The following CUX2 variants were observed in gnomAD, a reference collection of about 807,000 sequenced individuals.
CUX2 encodes the protein cut like homeobox 2, also known as homeobox protein cut-like 2.
Under a neutral mutation model 144.8 loss-of-function variants are expected in CUX2, and 40 were observed. The observed-to-expected ratio is 0.28, with a 90% CI of 0.21 to 0.36. CUX2 has a LOEUF of 0.36. Among genes scored for constraint, CUX2 ranks in the 10% least tolerant of loss-of-function variants. The pLI, the probability that CUX2 is intolerant of heterozygous loss-of-function variation, is 1.00. For missense variants in CUX2, 1,615 were observed against 1,994.0 expected (o/e 0.81, Z 3.62); for synonymous variants, 827 against 875.6 (o/e 0.94, Z 0.98).
At chr12:111,296,628 CCTCT>C in intron 8 of CUX2, 89 bp downstream of exon 8, 1 of 1,231,942 alleles carries the variant, frequency 8.1e-7, no homozygotes, top group South Asian at 1.3e-5. Flanking sequence ...TTGCCTCCTC[CCTCT>C]GACCCTCCCA....
At chr12:111,151,277 C>G (rs1006469486) in intron 1 of CUX2, among the ~76,000 whole-genome samples, 2 of 152,102 alleles carry the variant, frequency 1.3e-5, no homozygotes, top group African/African-American at 4.8e-5. Flanking sequence ...CGTTACCATG[C>G]GCTGTTATGA....
chr12:111,330,694 T>C (rs770707191), intron 18 of CUX2, among the ~76,000 whole-genome samples: 57 of 4,754 alleles, frequency 0.012, 8 homozygotes, highest in East Asian at 0.076. Flanking sequence ...TACATATATA[T>C]ATATATATAT....
At chr12:111,099,663 G>C (rs1433161872) in intron 1 of CUX2, 2 of 456,708 alleles carry the variant, frequency 4.4e-6, no homozygotes, top group Non-Finnish European at 4.4e-6. Flanking sequence ...GGGGAAGGTG[G>C]GGGATGTCTC....
chr12:111,237,977 A>G (rs990957686), intron 3 of CUX2, among the ~76,000 whole-genome samples: 1 of 152,296 alleles, frequency 6.6e-6, no homozygotes, highest in Non-Finnish European at 1.5e-5. Context: ...ACTAGATGCC[A>G]GGAGCACCTT....
rs1490518484 is a variant in CUX2, at chr12:111,336,460, T to TGTGTGTGTGTG, written c.3196+1750_3196+1751insGTGTGTGTGTG. 3.8e-3 allele frequency among the ~76,000 whole-genome samples: 503 copies of TGTGTGTGTGTG among 130,814 alleles called. 3 individuals carry two copies. Among genetic ancestry groups the TGTGTGTGTGTG allele is most frequent in the African/African-American group, 0.015 (474 of 32,224 alleles). 85.8% of individuals were successfully genotyped at this position (130,814 alleles called of 152,430 possible). ...TGTGTGTGTGTGTGTGTGTGTGTGT[T>TGTGTGTGTGTG]TAAGATGGAGTCTCCTGTCACCCAG... is the stretch of plus-strand genomic sequence containing the variant. On this transcript the variant is annotated intron_variant, in intron 19 of 21. Transcript: ENST00000261726.
At chr12:111,050,122 T>C (rs1405681186) in intron 1 of CUX2, among the ~76,000 whole-genome samples, 1 of 152,108 alleles carries the variant, frequency 6.6e-6, no homozygotes, top group Non-Finnish European at 1.5e-5. Context: ...ACACTGTATC[T>C]CCATTTCTGT....
In CUX2 at chr12:111,295,323, C is replaced by G. The variant is rs756059933; in HGVS notation, c.561-10C>G. On this transcript the variant is annotated splice_polypyrimidine_tract_variant and intron_variant, in intron 6 of 21. Coordinates refer to ENST00000261726, the MANE Select transcript of CUX2 (RefSeq NM_015267.4). The surrounding 1 kb of genome is among the most constrained non-coding windows in gnomAD (Gnocchi z 5.0). ...TGCAGCCAGCACAAGCAGGCCTCGT[C>G]TCTCCGCAGGGGCCTTCAAGAAGTA... 2 of 1,611,276 alleles carry G rather than the reference C, an allele frequency of 1.2e-6. No individual in the cohort carries two copies. The highest frequency in any genetic ancestry group is 1.1e-5 in the South Asian group (1 of 90,304).
In CUX2 at chr12:111,190,172, C is replaced by CATCT. The variant is rs1171352074; in HGVS notation, c.64-24027_64-24024dup. ...TCTCTGGCCCATTTTTCTATTTGAT[C>CATCT]ATCTCTTCCTTACTGAATTTTTAGG... On this transcript the variant is annotated intron_variant, in intron 1 of 21. Coordinates refer to ENST00000261726, the MANE Select transcript of CUX2 (RefSeq NM_015267.4). The surrounding 1 kb of genome is among the most constrained non-coding windows in gnomAD (Gnocchi z 4.0). Among the ~76,000 whole-genome samples, 1 of 152,134 alleles carries CATCT rather than the reference C, an allele frequency of 6.6e-6. No homozygotes were observed. Among genetic ancestry groups the CATCT allele is most frequent in the African/African-American group, 2.4e-5 (1 of 41,430 alleles).
intron 1 of CUX2, among the ~76,000 whole-genome samples, chr12:111,199,787 T>G (rs1160598232): frequency 1.3e-5 from 2 of 152,148 alleles, no homozygotes; most frequent in Non-Finnish European, 1.5e-5. Context: ...CGTGTGTTTC[T>G]GTGTGTTTGT....
At chr12:111,317,927 G>A (rs1179996219) in intron 16 of CUX2, among the ~76,000 whole-genome samples, 1 of 152,132 alleles carries the variant, frequency 6.6e-6, no homozygotes, top group Non-Finnish European at 1.5e-5. Context: ...CTGAACCTGG[G>A]AGGCAGAAGT....
chr12:111,142,226 T>G (rs536749834), intron 1 of CUX2, among the ~76,000 whole-genome samples: 2 of 152,308 alleles, frequency 1.3e-5, no homozygotes, highest in African/African-American at 2.4e-5. Flanking sequence ...ACATGCAAAG[T>G]ATGGCCCCTC....
At chr12:111,165,086 A>G (rs903792114) in intron 1 of CUX2, among the ~76,000 whole-genome samples, 5 of 152,204 alleles carry the variant, frequency 3.3e-5, no homozygotes, top group Non-Finnish European at 5.9e-5. Context: ...TATATGAGCA[A>G]TGGATTCCCT....
intron 1 of CUX2, among the ~76,000 whole-genome samples, chr12:111,049,530 G>A (rs1870164723): frequency 1.3e-5 from 2 of 152,266 alleles, no homozygotes; most frequent in Non-Finnish European, 2.9e-5. Flanking sequence ...ACACAGAGCT[G>A]TGGGGAACAA....
intron 1 of CUX2, among the ~76,000 whole-genome samples, chr12:111,041,927 C>G (rs977019837): frequency 3.9e-5 from 6 of 152,200 alleles, no homozygotes; most frequent in Non-Finnish European, 8.8e-5. Flanking sequence ...AGCCTGCTGT[C>G]TCTGCTTCTT....
intron 1 of CUX2, among the ~76,000 whole-genome samples, chr12:111,188,761 G>A (rs1879706551): frequency 6.6e-6 from 1 of 152,108 alleles, no homozygotes; most frequent in Non-Finnish European, 1.5e-5. Context: ...GTCACGGCAG[G>A]TTTTAGGCTG....
At position 111,320,386 on chromosome 12, in the gene CUX2, C is replaced by G; in HGVS notation, c.2377C>G (p.Arg793Gly). ...CTTCGACCACCACTGGGCCTCCGAC[C>G]GCGGCCTGCTCAGCCGCCCCTACGC... ...GYFDHHWASD[R>G]GLLSRPYASV... Residue 793 changes from arginine to glycine, a missense_variant, in exon 17 of 22, where the codon CGC becomes GGC. Physicochemically the swap from Arg to Gly is moderately radical, Grantham distance 125 (BLOSUM62 -2). Coordinates refer to ENST00000261726, the MANE Select transcript of CUX2 (RefSeq NM_015267.4). This position sits in a 1 kb window ranked among gnomAD's most constrained non-coding sequence, Gnocchi z 8.1. The G allele has an allele frequency of 6.3e-7, 1 of 1,598,012 alleles. No homozygotes were observed. Among genetic ancestry groups the G allele is most frequent in the Non-Finnish European group, 8.5e-7 (1 of 1,179,124 alleles).
intron 3 of CUX2, among the ~76,000 whole-genome samples, chr12:111,239,435 C>T (rs570918927): frequency 3.9e-5 from 6 of 152,254 alleles, no homozygotes; most frequent in Admixed American, 2.6e-4. Flanking sequence ...TCTGAGAAGT[C>T]GCAGCCCAGT....
intron 1 of CUX2, among the ~76,000 whole-genome samples, chr12:111,131,854 T>C (rs1044314138): frequency 6.6e-6 from 1 of 152,080 alleles, no homozygotes; most frequent in Non-Finnish European, 1.5e-5. Flanking sequence ...TCTCAGACAC[T>C]CCCACGGGCT....
At chr12:111,306,791 A>ACAAG in intron 10 of CUX2, 130 bp from the exon 11 acceptor site, 3 of 699,938 alleles carry the variant, frequency 4.3e-6, no homozygotes, top group Non-Finnish European at 4.8e-6. Flanking sequence ...ATTTTTCAAC[A>ACAAG]CAAGCACACC....
Sources: allele counts gnomAD v4.1 joint callset (sites outside exome capture counted in the v4.1 genomes callset), GRCh38; gene constraint gnomAD v4.1.1; non-coding constraint Gnocchi (gnomAD v3.1); transcripts MANE v1.5; gene names NCBI Gene and HGNC (gene_info 2026-07-23, HGNC 2026-07-21).